Variants in FMNL2 observed in about 807,000 individuals in gnomAD.
FMNL2 encodes formin like 2.
FMNL2 carries 51 observed loss-of-function variants against 130.2 expected under a neutral mutation model. The ratio of observed to expected loss-of-function variants is 0.39; its 90% CI spans 0.31 to 0.49. The LOEUF is 0.49. Ranked by LOEUF, FMNL2 falls within the 20% of genes least tolerant of loss-of-function variation. The pLI, the probability that FMNL2 is intolerant of heterozygous loss-of-function variation, is 0.85. For synonymous variants in FMNL2, 465 were observed against 467.1 expected (o/e 1.00, Z 0.06); for missense variants, 977 against 1,316.2 (o/e 0.74, Z 3.99).
At position 152,561,617 on chromosome 2, in the gene FMNL2, A is replaced by G. The variant is rs546187974; in HGVS notation, c.596+582A>G. ...AGATGGAATCTCGCTCTTGTTATCCAGGCTATAGTGCAGTGGCACAATCTT... is the reference window on the plus strand; with the variant it reads ...AGATGGAATCTCGCTCTTGTTATCCGGGCTATAGTGCAGTGGCACAATCTT... On this transcript the variant is annotated intron_variant, in intron 6 of 25. Coordinates refer to ENST00000288670, the MANE Select transcript of FMNL2 (RefSeq NM_052905.4). Among the ~76,000 whole-genome samples the G allele has an allele frequency of 7.4e-5, 11 of 149,158 alleles. No homozygotes were observed. In the East Asian group the frequency reaches 2.0e-3, roughly 27 times the overall value.
chr2:152,595,727 T>A (rs1056570804), intron 9 of FMNL2, among the ~76,000 whole-genome samples: 1 of 152,072 alleles, frequency 6.6e-6, no homozygotes, highest in Non-Finnish European at 1.5e-5. Flanking sequence ...TTCTATATAT[T>A]TTTTTTCCCA....
chr2:152,478,244 ATATATATTTT>A (rs1187268017), intron 1 of FMNL2, among the ~76,000 whole-genome samples: 5 of 38,526 alleles, frequency 1.3e-4, no homozygotes, highest in African/African-American at 3.0e-4. Flanking sequence ...ATATATATAT[ATATATATTTT>A]TTTTTTTTTT....
chr2:152,573,280 C>T (rs547334929), intron 6 of FMNL2, among the ~76,000 whole-genome samples: 8 of 152,186 alleles, frequency 5.3e-5, no homozygotes, highest in Non-Finnish European at 1.0e-4. Flanking sequence ...TGAGAAATGA[C>T]ACCTATCTAG....
intron 9 of FMNL2, among the ~76,000 whole-genome samples, chr2:152,606,954 G>T (rs1698390716): frequency 7.0e-6 from 1 of 141,846 alleles, no homozygotes. Flanking sequence ...ATATCTTTTT[G>T]CATGTCTTTT....
At chr2:152,645,667 CCT>C in intron 25 of FMNL2, 1 of 421,050 alleles carries the variant, frequency 2.4e-6, no homozygotes, top group Middle Eastern at 3.6e-4. Context: ...AGGGATTGAG[CCT>C]CTCTGTTGGA....
intron 1 of FMNL2, among the ~76,000 whole-genome samples, chr2:152,518,309 G>A (rs1394739590): frequency 2.0e-5 from 3 of 152,174 alleles, no homozygotes; most frequent in African/African-American, 4.8e-5. Context: ...CAGAGGCTTG[G>A]CTCATGGAAG....
At chr2:152,523,157 T>G (rs1417180885) in intron 2 of FMNL2, among the ~76,000 whole-genome samples, 1 of 152,242 alleles carries the variant, frequency 6.6e-6, no homozygotes, top group Non-Finnish European at 1.5e-5. Flanking sequence ...TAGATAATGT[T>G]AAAGAAATTG....
chr2:152,471,214 C>A (rs183819760), intron 1 of FMNL2, among the ~76,000 whole-genome samples: 2 of 151,366 alleles, frequency 1.3e-5, no homozygotes, highest in African/African-American at 4.8e-5. Flanking sequence ...ATCTGAGGTG[C>A]CCTTACATTT....
chr2:152,421,469 A>T (rs145839508), intron 1 of FMNL2, among the ~76,000 whole-genome samples: 19 of 152,336 alleles, frequency 1.2e-4, no homozygotes, highest in African/African-American at 4.3e-4. Flanking sequence ...CAATTGTGAG[A>T]TGTAAATCTC....
chr2:152,350,598 G>A (rs1682423637), intron 1 of FMNL2, among the ~76,000 whole-genome samples: 1 of 152,222 alleles, frequency 6.6e-6, no homozygotes, highest in African/African-American at 2.4e-5. Flanking sequence ...TCTGCTTGAA[G>A]CTATAGGTTG....
chr2:152,523,086 T>C (rs1235842419), intron 2 of FMNL2, among the ~76,000 whole-genome samples: 1 of 152,186 alleles, frequency 6.6e-6, no homozygotes, highest in Non-Finnish European at 1.5e-5. Flanking sequence ...CTTAAGCATA[T>C]AGCATGGATA....
chr2:152,471,560 G>A (rs564995973), intron 1 of FMNL2, among the ~76,000 whole-genome samples: 64 of 152,164 alleles, frequency 4.2e-4, no homozygotes, highest in Non-Finnish European at 7.6e-4. Context: ...GGGGGTGGGC[G>A]TCCGGCGCCT....
At chr2:152,451,155 T>G (rs187295650) in intron 1 of FMNL2, among the ~76,000 whole-genome samples, 248 of 152,240 alleles carry the variant, frequency 1.6e-3, no homozygotes, top group Non-Finnish European at 2.1e-3. Flanking sequence ...TCAGTTTTTT[T>G]TTGTTGTTGT....
chr2:152,390,676 A>G, intron 1 of FMNL2: 1 of 780,578 alleles, frequency 1.3e-6, no homozygotes, highest in East Asian at 2.5e-5. Flanking sequence ...GCTGAGCTAC[A>G]ACCATCCAAC....
chr2:152,454,706 C>T (rs934375564), intron 1 of FMNL2, among the ~76,000 whole-genome samples: 1 of 152,202 alleles, frequency 6.6e-6, no homozygotes, highest in East Asian at 1.9e-4. Flanking sequence ...TCATTAAGAT[C>T]AAGGCCTAGT....
rs1683723387 is a variant in FMNL2 at position 152,647,784 on chromosome 2, T to A, written c.3170-12T>A. 2 of 1,613,122 alleles carry A rather than the reference T, an allele frequency of 1.2e-6. No homozygotes were observed. The highest frequency in any genetic ancestry group is 1.7e-6 in the Non-Finnish European group (2 of 1,179,186). On this transcript the variant is annotated splice_polypyrimidine_tract_variant and intron_variant, in intron 25 of 25. Coordinates refer to ENST00000288670, the MANE Select transcript of FMNL2 (RefSeq NM_052905.4). The stretch of plus-strand genomic sequence containing the variant: ...GGTTGCTATTCTCTCACTGGCACTC[T>A]CCCCTTTACAGATCTTAGAAACCAA...
chr2:152,574,438 AAAAAAAAAAAAAAAAAGAAAAG>A (rs1696357561), intron 6 of FMNL2, among the ~76,000 whole-genome samples: 1 of 150,468 alleles, frequency 6.6e-6, no homozygotes, highest in East Asian at 1.9e-4. Flanking sequence ...CTGTCTCAAA[AAAAAAAAAAAAAAAAAGAAAAG>A]AAACAGATGT....
chr2:152,344,901 C>T (rs1410719451), intron 1 of FMNL2, among the ~76,000 whole-genome samples: 1 of 152,134 alleles, frequency 6.6e-6, no homozygotes, highest in African/African-American at 2.4e-5. Context: ...CTTATATAAG[C>T]AATTAGCCTT....
chr2:152,361,507 T>G (rs1280344630), intron 1 of FMNL2, among the ~76,000 whole-genome samples: 1 of 152,208 alleles, frequency 6.6e-6, no homozygotes, highest in African/African-American at 2.4e-5. Flanking sequence ...TTGACTTCAG[T>G]GGCAAAATAA....
Sources: allele counts gnomAD v4.1 joint callset (sites outside exome capture counted in the v4.1 genomes callset), GRCh38; gene constraint gnomAD v4.1.1; transcripts MANE v1.5; gene names NCBI Gene and HGNC (gene_info 2026-07-23, HGNC 2026-07-21).